The following MARCOL variants were observed in gnomAD, a reference collection of about 807,000 sequenced individuals.
The protein encoded by MARCOL is MARCO like, also known as MARCO-like protein.
chr5:148,239,141 C>T lies in MARCOL; in HGVS notation c.49+495C>T, dbSNP rs115025679. Among the ~76,000 whole-genome samples the T allele has an allele frequency of 9.1e-3, 1,378 of 151,928 alleles. 9 individuals carry two copies. Among genetic ancestry groups the T allele is most frequent in the African/African-American group, 0.03 (1,247 of 41,476 alleles). On this transcript the variant is annotated intron_variant, in intron 1 of 1. Coordinates refer to ENST00000638089, the MANE Select transcript of MARCOL (RefSeq NM_001363511.2). ...ATTATTCTTTCCTATAGAGTTATTT[C>T]GGGAACTATACAGATAATAGCTTTA...
rs537684949 is a variant in MARCOL at position 148,242,602 on chromosome 5, C to T, written c.206C>T (p.Thr69Met). 274 of 398,172 alleles carry T rather than the reference C, an allele frequency of 6.9e-4. No individual in the cohort carries two copies. Among genetic ancestry groups the T allele is most frequent in the Non-Finnish European group, 9.1e-4 (206 of 225,916 alleles). The allele number at this position is 398,172 out of a possible 1,614,324, so 24.7% of individuals were successfully genotyped here. The part of the protein sequence containing the change: ...GGSYTQGNPG[T>M]FRLQGQPGYF... The stretch of plus-strand genomic sequence containing the variant: ...AGTTATACACAAGGAAATCCAGGAA[C>T]GTTTAGGCTTCAAGGACAACCAGGC... The change falls in exon 2 of 2, where the codon ACG becomes ATG. Residue 69 changes from threonine to methionine, a missense_variant. By Grantham distance (81) the Thr-to-Met change is moderately conservative. Transcript: ENST00000638089.
At position 148,238,727 on chromosome 5, in the gene MARCOL, T is replaced by C. The variant is rs1033054089; in HGVS notation, c.49+81T>C. 3.0e-5 allele frequency: 12 copies of C among 396,980 alleles called. No homozygotes were observed. The East Asian group carries it at 3.6e-4, about 12-fold the overall frequency. The allele number at this position is 396,980 out of a possible 1,614,324, so 24.6% of individuals were successfully genotyped here. On this transcript the variant is annotated intron_variant, in intron 1 of 1. Transcript: ENST00000638089. ...AATGTTAAGTGATTTAGCAATACTT[T>C]ATCAAAAGATTTAAAAATAGGCAAT...
In MARCOL at chr5:148,242,740, A is replaced by G. The variant is rs1309980439; in HGVS notation, c.344A>G (p.Glu115Gly). 1 of 398,352 alleles carries G rather than the reference A, an allele frequency of 2.5e-6. No homozygotes were observed. The highest frequency in any genetic ancestry group is 4.4e-5 in the Admixed American group (1 of 22,682). The allele number at this position is 398,352 out of a possible 1,614,324, so 24.7% of individuals were successfully genotyped here. Residue 115 changes from glutamate to glycine, a missense_variant, in exon 2 of 2, where the codon GAA (glutamate) becomes GGA (glycine). Coordinates refer to ENST00000638089, the MANE Select transcript of MARCOL (RefSeq NM_001363511.2). ...SGKSNQKGNP[E>G]SSNKQENSGS... is the part of the protein sequence containing the mutation. ...AAATCTAACCAAAAAGGGAATCCAG[A>G]ATCTTCTAATAAGCAGGAAAACTCA...
chr5:148,243,507 C>G lies in MARCOL; in HGVS notation c.*253C>G, dbSNP rs1755992925. 2.8e-6 allele frequency: 1 copy of G among 363,342 alleles called. No individual in the cohort carries two copies. The highest frequency in any genetic ancestry group is 4.6e-5 in the Admixed American group (1 of 21,726). The allele number at this position is 363,342 out of a possible 1,614,324, so 22.5% of individuals were successfully genotyped here. ...GCAAGGAAATATAGGGTCATCTGGC[C>G]AGGAATGGAAGCCAGAGCCATCTAG... On this transcript the variant is annotated 3_prime_UTR_variant, in exon 2 of 2. Coordinates refer to ENST00000638089, the MANE Select transcript of MARCOL (RefSeq NM_001363511.2).
At chr5:148,239,346 T>G (rs867779749) in intron 1 of MARCOL, among the ~76,000 whole-genome samples, 1 of 151,998 alleles carries the variant, frequency 6.6e-6, no homozygotes, top group Admixed American at 6.6e-5. Context: ...ATAATGAAAC[T>G]GATTCTAATT....
chr5:148,241,017 G>T (rs924298339), intron 1 of MARCOL, among the ~76,000 whole-genome samples: 1 of 151,906 alleles, frequency 6.6e-6, no homozygotes, highest in Admixed American at 6.6e-5. Flanking sequence ...TGAATGTCTT[G>T]TTCATTCCTA....
At chr5:148,242,303 G>A (rs1561742220) in intron 1 of MARCOL, 143 bp from the exon 2 acceptor site, 1 of 385,474 alleles carries the variant, frequency 2.6e-6, no homozygotes, top group Non-Finnish European at 4.6e-6. Flanking sequence ...GAGGAAGAAT[G>A]AGAAGATTCT....
intron 1 of MARCOL, among the ~76,000 whole-genome samples, chr5:148,240,466 A>C (rs13155371): frequency 0.79 from 118,713 of 151,122 alleles, 49,854 homozygotes; most frequent in Middle Eastern, 0.94. Flanking sequence ...TTACCATTTC[A>C]TAGGTAATAG....
At position 148,242,972 on chromosome 5, in the gene MARCOL, A is replaced by G. The variant is rs1389568270; in HGVS notation, c.576A>G (p.Gln192=). ...QKGNLGSSSL[Q]GHLGLSSHQG... ...GGAATTTAGGATCTTCTAGCCTACAAGGGCATCTGGGTTTATCTAGCCATC... is the reference window on the plus strand; with the variant it reads ...GGAATTTAGGATCTTCTAGCCTACAGGGGCATCTGGGTTTATCTAGCCATC... Residue 192 remains glutamine, a synonymous_variant, in exon 2 of 2, where the codon CAA becomes CAG. Coordinates refer to ENST00000638089, the MANE Select transcript of MARCOL (RefSeq NM_001363511.2). 7.5e-6 allele frequency: 3 copies of G among 398,980 alleles called. No homozygotes were observed. The highest frequency in any genetic ancestry group is 4.1e-5 in the African/African-American group (2 of 48,552). 24.7% of individuals were successfully genotyped at this position (398,980 alleles called of 1,614,324 possible). A position where few individuals can be genotyped will look rare whatever the true frequency, so the allele number is the denominator to read the frequency against.
chr5:148,239,527 G>A (rs1755941465), intron 1 of MARCOL, among the ~76,000 whole-genome samples: 1 of 151,842 alleles, frequency 6.6e-6, no homozygotes, highest in African/African-American at 2.4e-5. Context: ...GAGTACAAGA[G>A]TGATAATATT....
At chr5:148,239,554 A>G (rs911372895) in intron 1 of MARCOL, among the ~76,000 whole-genome samples, 1 of 151,984 alleles carries the variant, frequency 6.6e-6, no homozygotes, top group Non-Finnish European at 1.5e-5. Context: ...GTTAAGAAAT[A>G]TCAGTCTTGT....
In MARCOL at chr5:148,243,104, AC is replaced by A. The variant is rs1291966809; in HGVS notation, c.709del (p.Gln237ArgfsTer58). On this transcript the variant is annotated frameshift_variant, in exon 2 of 2. Coordinates refer to ENST00000638089, the MANE Select transcript of MARCOL (RefSeq NM_001363511.2). LOFTEE classifies it low-confidence loss of function (END_TRUNC). ...AGGAGAAGCCAGGATCTTCTAGCCA[AC>A]AGGGGAAGCCAGGGTTGTCTAGCCA... ...QQEKPGSSSQQGKPGLSSHQG... is the reference protein window; with the variant it reads ...QQEKPGSSSQXGKPGLSSHQG... 13 of 399,254 alleles carry A rather than the reference AC, an allele frequency of 3.3e-5. No individual in the cohort carries two copies. The highest frequency in any genetic ancestry group is 5.7e-5 in the Non-Finnish European group (13 of 226,892). 24.7% of individuals were successfully genotyped at this position (399,254 alleles called of 1,614,324 possible). A position where few individuals can be genotyped will look rare whatever the true frequency, so the allele number is the denominator to read the frequency against.
At chr5:148,239,510 G>A (rs1445694392) in intron 1 of MARCOL, among the ~76,000 whole-genome samples, 4 of 151,952 alleles carry the variant, frequency 2.6e-5, no homozygotes, top group Non-Finnish European at 2.9e-5. Context: ...AGCTGTTTCA[G>A]AGTTTTGAGT....
rs2113338562 is a variant in MARCOL, at chr5:148,238,540, ACT to A, written c.-57_-56del. 2 of 397,724 alleles carry A rather than the reference ACT, an allele frequency of 5.0e-6. No individual in the cohort carries two copies. The highest frequency in any genetic ancestry group is 8.9e-6 in the Non-Finnish European group (2 of 225,082). 24.6% of individuals were successfully genotyped at this position (397,724 alleles called of 1,614,324 possible). The stretch of plus-strand genomic sequence containing the variant: ...AGCATGGTTTATTTGAAGAGCACCT[ACT>A]GCAGAGTTAGGCTTAACTCCACCCA... On this transcript the variant is annotated 5_prime_UTR_variant, in exon 1 of 2. Coordinates refer to ENST00000638089, the MANE Select transcript of MARCOL (RefSeq NM_001363511.2).
chr5:148,238,916 G>A (rs1292658934), intron 1 of MARCOL, among the ~76,000 whole-genome samples: 1 of 151,984 alleles, frequency 6.6e-6, no homozygotes, highest in African/African-American at 2.4e-5. Context: ...CTGGAAAGAT[G>A]AATTTAGACT....
At chr5:148,239,377 C>A (rs1231375770) in intron 1 of MARCOL, among the ~76,000 whole-genome samples, 1 of 151,736 alleles carries the variant, frequency 6.6e-6, no homozygotes, top group African/African-American at 2.4e-5. Context: ...TCATAAGCTC[C>A]CACTTGACCA....
At chr5:148,240,022 A>G (rs909302132) in intron 1 of MARCOL, among the ~76,000 whole-genome samples, 10 of 151,952 alleles carry the variant, frequency 6.6e-5, no homozygotes, top group Non-Finnish European at 1.3e-4. Context: ...TGGTGAAACC[A>G]CATTATAATA....
chr5:148,241,603 C>T (rs1432697), intron 1 of MARCOL, among the ~76,000 whole-genome samples: 138,721 of 150,870 alleles, frequency 0.92, 63,809 homozygotes, highest in Middle Eastern at 0.97. Context: ...ATTCCATTTG[C>T]TTATTTATTG....
intron 1 of MARCOL, among the ~76,000 whole-genome samples, chr5:148,241,558 C>G (rs1011022398): frequency 6.7e-6 from 1 of 149,310 alleles, no homozygotes; most frequent in African/African-American, 2.5e-5. Flanking sequence ...AGAAGCATAG[C>G]CCAATGCAAT....
Sources: gnomAD v4.1 joint callset for allele counts (sites outside exome capture counted in the v4.1 genomes callset) on GRCh38, gnomAD v4.1.1 for gene constraint, MANE v1.5 for transcripts, NCBI Gene and HGNC (gene_info 2026-07-23, HGNC 2026-07-21) for gene names.